The following APBB1IP variants were observed in gnomAD, a reference collection of about 807,000 sequenced individuals.
APBB1IP encodes amyloid beta A4 precursor protein-binding family B member 1-interacting protein.
Under a neutral mutation model 64.9 loss-of-function variants are expected in APBB1IP, and 27 were observed. That is an observed-to-expected ratio of 0.42 (90% CI 0.31 to 0.57). The LOEUF (loss-of-function observed/expected upper bound fraction) is 0.57, where lower values mean the gene tolerates loss of function less well. APBB1IP is among the 20% of genes least tolerant of loss of function. The probability of loss-of-function intolerance (pLI) is 0.20; values close to 1 mark genes in which losing one functional copy is unlikely to be tolerated. For missense variants in APBB1IP, 812 were observed against 845.5 expected, an observed-to-expected ratio of 0.96 and a Z score of 0.49; for synonymous variants, 392 against 331.0, an observed-to-expected ratio of 1.18 and a Z score of -2.00.
At chr10:26,541,370 A>G (rs1309364290) in intron 10 of APBB1IP, among the ~76,000 whole-genome samples, 3 of 152,140 alleles carry the variant, frequency 2.0e-5, no homozygotes, top group East Asian at 1.9e-4. Context: ...ATCTTACTAA[A>G]TTGTCCCCCA....
At chr10:26,483,444 C>T (rs963390246) in intron 2 of APBB1IP, among the ~76,000 whole-genome samples, 22 of 152,122 alleles carry the variant, frequency 1.4e-4, no homozygotes, top group African/African-American at 5.1e-4. Flanking sequence ...CAGGACAATC[C>T]CTGGCATGGA....
At position 26,511,809 on chromosome 10, in the gene APBB1IP, G is replaced by A; in HGVS notation, c.594G>A (p.Gln198=). The A allele has an allele frequency of 6.2e-7, 1 of 1,614,190 alleles. No homozygotes were observed. Among genetic ancestry groups the A allele is most frequent in the Non-Finnish European group, 8.5e-7 (1 of 1,180,022 alleles). Residue 198 remains glutamine, a synonymous_variant, in exon 7 of 15, where the codon CAG becomes CAA. Transcript: ENST00000376236. ...STKSLMVDER[Q]LARDVLDNLF... is the part of the protein sequence containing the mutation. ...AGTCACTGATGGTGGATGAGCGGCA[G>A]CTGGCCCGAGATGTTCTGGACAACC...
chr10:26,513,901 T>C (rs776649630), intron 8 of APBB1IP, among the ~76,000 whole-genome samples: 2 of 152,168 alleles, frequency 1.3e-5, no homozygotes, highest in Non-Finnish European at 2.9e-5. Context: ...CCCAGCTAAC[T>C]GTTTTGTATT....
chr10:26,566,824 G>A (rs1324099637), intron 14 of APBB1IP, 137 bp from the exon 15 acceptor site: 2 of 954,274 alleles, frequency 2.1e-6, no homozygotes, highest in East Asian at 6.6e-5. Flanking sequence ...GGAGGTCGAG[G>A]CTGCAGTAAG....
intron 2 of APBB1IP, among the ~76,000 whole-genome samples, chr10:26,451,030 A>T (rs375186118): frequency 2.0e-5 from 3 of 152,252 alleles, no homozygotes; most frequent in East Asian, 3.9e-4. Context: ...AATGAGATGC[A>T]GGTGTGTGAA....
intron 2 of APBB1IP, among the ~76,000 whole-genome samples, chr10:26,476,842 C>A (rs536699200): frequency 6.6e-6 from 1 of 151,958 alleles, no homozygotes; most frequent in South Asian, 2.1e-4. Flanking sequence ...GCTCTGTCAC[C>A]CAGGCTGGAG....
chr10:26,552,160 G>T (rs565912743), intron 11 of APBB1IP, among the ~76,000 whole-genome samples: 10 of 152,196 alleles, frequency 6.6e-5, no homozygotes, highest in African/African-American at 1.9e-4. Context: ...AATCAGCAGG[G>T]TGTGGTAGCA....
At chr10:26,491,008 A>T (rs1313905717) in intron 2 of APBB1IP, among the ~76,000 whole-genome samples, 1 of 152,008 alleles carries the variant, frequency 6.6e-6, no homozygotes, top group Non-Finnish European at 1.5e-5. Flanking sequence ...GCTGAGCAAG[A>T]TGGCTCAATC....
chr10:26,540,482 G>A (rs1383665265), intron 10 of APBB1IP, among the ~76,000 whole-genome samples: 1 of 151,938 alleles, frequency 6.6e-6, no homozygotes, highest in Non-Finnish European at 1.5e-5. Flanking sequence ...GGTGGTGGAG[G>A]AAGATGTGCA....
At chr10:26,517,238 C>T (rs897191971) in intron 8 of APBB1IP, among the ~76,000 whole-genome samples, 7 of 152,066 alleles carry the variant, frequency 4.6e-5, no homozygotes, top group African/African-American at 1.7e-4. Context: ...CATAATGGTA[C>T]ACTCTGAATT....
chr10:26,528,047 G>A lies in APBB1IP; in HGVS notation c.814-5392G>A, dbSNP rs78975449. On this transcript the variant is annotated intron_variant, in intron 8 of 14. Transcript: ENST00000376236. ...CAGAACTCTGACATATTCTTCCCAC[G>A]GTCAATGGGAAGAGTACAGGCAAAT... 8.8e-4 allele frequency among the ~76,000 whole-genome samples: 134 copies of A among 152,140 alleles called. No individual in the cohort carries two copies. The Middle Eastern group carries it at 0.01, about 12-fold the overall frequency.
At chr10:26,453,109 TA>T (rs1324025004) in intron 2 of APBB1IP, among the ~76,000 whole-genome samples, 1 of 152,116 alleles carries the variant, frequency 6.6e-6, no homozygotes, top group African/African-American at 2.4e-5. Context: ...CTGAAGAGAT[TA>T]AAAAATGTCT....
chr10:26,462,177 G>A (rs1835601018), intron 2 of APBB1IP, among the ~76,000 whole-genome samples: 1 of 152,156 alleles, frequency 6.6e-6, no homozygotes, highest in Admixed American at 6.6e-5. Flanking sequence ...AGTATTTGCT[G>A]TCTTGTCCCT....
intron 2 of APBB1IP, among the ~76,000 whole-genome samples, chr10:26,490,011 T>C (rs1835936038): frequency 1.3e-5 from 2 of 151,834 alleles, no homozygotes; most frequent in South Asian, 4.2e-4. Flanking sequence ...GGAGACAGAG[T>C]GAGACTCCAT....
chr10:26,505,050 C>A (rs894994476), intron 6 of APBB1IP, among the ~76,000 whole-genome samples: 2 of 152,214 alleles, frequency 1.3e-5, no homozygotes. Flanking sequence ...GCCACCATGC[C>A]TGGCTCTTCA....
Position 26,476,446 on chromosome 10 carries a change from C to CAAAAAA in APBB1IP, c.1-15867_1-15862dup, listed in dbSNP as rs58548133. On this transcript the variant is annotated intron_variant, in intron 2 of 14. Coordinates refer to ENST00000376236, the MANE Select transcript of APBB1IP (RefSeq NM_019043.4). Reference sequence around the variant, plus strand: ...TGTGTGACAGAGCAAGACCCTGTCTCAAAAAAAAAAAAAAAAAAAGAAGAA... The same window carrying CAAAAAA: ...TGTGTGACAGAGCAAGACCCTGTCTCAAAAAAAAAAAAAAAAAAAAAAAAAGAAGAA... Among the ~76,000 whole-genome samples, 728 of 76,680 alleles carry CAAAAAA rather than the reference C, an allele frequency of 9.5e-3. 13 individuals are homozygous for CAAAAAA. Among genetic ancestry groups the CAAAAAA allele is most frequent in the Admixed American group, 0.018 (110 of 6,170 alleles). The allele number at this position is 76,680 out of a possible 152,430, so 50.3% of individuals were successfully genotyped here. A position where few individuals can be genotyped will look rare whatever the true frequency, so the allele number is the denominator to read the frequency against.
chr10:26,498,499 ACT>A (rs1276474532), intron 4 of APBB1IP, among the ~76,000 whole-genome samples: 48 of 152,190 alleles, frequency 3.2e-4, no homozygotes, highest in African/African-American at 1.1e-3. Flanking sequence ...ACAGAGCAAG[ACT>A]CTGTCAAATA....
At chr10:26,511,953 G>T in intron 7 of APBB1IP, 47 bp downstream of exon 7, 1 of 1,602,112 alleles carries the variant, frequency 6.2e-7, no homozygotes, top group Non-Finnish European at 8.5e-7. Context: ...AACCTTGTGG[G>T]TTTGCTGTAT....
intron 4 of APBB1IP, among the ~76,000 whole-genome samples, 157 bp downstream of exon 4, chr10:26,496,548 G>T (rs1186692694): frequency 2.0e-5 from 3 of 152,188 alleles, no homozygotes; most frequent in Middle Eastern, 6.8e-3. Flanking sequence ...ACTGTGTCTA[G>T]ATTGAATTGA....
Sources: gnomAD v4.1 joint callset for allele counts (sites outside exome capture counted in the v4.1 genomes callset) on GRCh38, gnomAD v4.1.1 for gene constraint, MANE v1.5 for transcripts, NCBI Gene and HGNC (gene_info 2026-07-23, HGNC 2026-07-21) for gene names.